The following ARID5B variants were observed in gnomAD, a reference collection of about 807,000 sequenced individuals.
The protein encoded by ARID5B is AT-rich interaction domain 5B.
Under a neutral mutation model 97.2 loss-of-function variants are expected in ARID5B, and 13 were observed. That is an observed-to-expected ratio of 0.13 (90% confidence interval 0.09 to 0.21). The LOEUF (loss-of-function observed/expected upper bound fraction) is 0.21, where lower values mean the gene tolerates loss of function less well. ARID5B is among the 10% of genes least tolerant of loss of function. The pLI is 1.00. For synonymous variants in ARID5B, 556 were observed against 570.3 expected (o/e 0.97, Z 0.36); for missense variants, 1,210 against 1,465.3 (o/e 0.83, Z 2.84).
intron 4 of ARID5B, among the ~76,000 whole-genome samples, chr10:62,048,686 G>T (rs1347360794): frequency 6.6e-6 from 1 of 152,146 alleles, no homozygotes; most frequent in Non-Finnish European, 1.5e-5. Context: ...ACCCAGTTTG[G>T]GGATGACTTC....
At chr10:61,986,433 A>G (rs183133787) in intron 3 of ARID5B, among the ~76,000 whole-genome samples, 5 of 152,250 alleles carry the variant, frequency 3.3e-5, no homozygotes, top group Admixed American at 3.3e-4. Flanking sequence ...TGAGAAGGAG[A>G]GCTGAAGGGA....
At chr10:62,021,029 AATATATATATATATATAT>A (rs10528323) in intron 4 of ARID5B, among the ~76,000 whole-genome samples, 4,494 of 106,850 alleles carry the variant, frequency 0.042, 332 homozygotes, top group African/African-American at 0.17. Flanking sequence ...TTGTCACATG[AATATATATATATATATAT>A]ATATATATAT....
At chr10:62,029,947 A>C (rs1405337641) in intron 4 of ARID5B, among the ~76,000 whole-genome samples, 1 of 152,192 alleles carries the variant, frequency 6.6e-6, no homozygotes, top group African/African-American at 2.4e-5. Context: ...TTGATGTGGA[A>C]AATAGAAAAG....
intron 2 of ARID5B, among the ~76,000 whole-genome samples, chr10:61,903,725 G>T (rs957723995): frequency 6.6e-6 from 1 of 152,166 alleles, no homozygotes; most frequent in Non-Finnish European, 1.5e-5. Context: ...GAATTCCTCG[G>T]TTTGATCGAG....
chr10:62,077,533 A>G (rs1215041627), intron 8 of ARID5B, among the ~76,000 whole-genome samples: 1 of 152,104 alleles, frequency 6.6e-6, no homozygotes, highest in Admixed American at 6.5e-5. Flanking sequence ...CCCCCCCCAA[A>G]AAAAAAGCTT....
chr10:62,084,052 G>A (rs2132975356), intron 8 of ARID5B, among the ~76,000 whole-genome samples: 1 of 152,308 alleles, frequency 6.6e-6, no homozygotes, highest in African/African-American at 2.4e-5. Flanking sequence ...TTTAGCAGCT[G>A]TAACATGTTT....
At chr10:62,030,892 T>A (rs1839488798) in intron 4 of ARID5B, among the ~76,000 whole-genome samples, 1 of 152,176 alleles carries the variant, frequency 6.6e-6, no homozygotes, top group Admixed American at 6.5e-5. Context: ...TGATATCAGT[T>A]TCAAAGTACA....
rs1436235326 is a variant in ARID5B, at chr10:61,940,407, G to C, written c.501G>C (p.Leu167=). Residue 167 remains leucine, a splice_region_variant and synonymous_variant, in exon 3 of 10, where the codon CTG becomes CTC. Transcript: ENST00000279873. ...FKDVLKEKAD[L]GEDEEETNVI... ...ACGTTCTCAAGGAGAAGGCAGACCT[G>C]GGTAAATATGACTTGTAATTTTAAA... The C allele has an allele frequency of 6.2e-7, 1 of 1,610,536 alleles. No homozygotes were observed. The highest frequency in any genetic ancestry group is 8.5e-7 in the Non-Finnish European group (1 of 1,178,092).
intron 4 of ARID5B, among the ~76,000 whole-genome samples, chr10:62,033,893 G>C (rs1008460752): frequency 6.6e-6 from 1 of 152,198 alleles, no homozygotes; most frequent in Admixed American, 6.5e-5. Context: ...GTTGCCTTAT[G>C]TATAAAGTGA....
In ARID5B at chr10:61,934,402, G is replaced by T. The variant is rs374339644; in HGVS notation, c.277-5781G>T. Among the ~76,000 whole-genome samples the T allele has an allele frequency of 6.0e-4, 92 of 152,268 alleles. 1 individual carries two copies. The South Asian group carries it at 0.018, about 29-fold the overall frequency. The stretch of plus-strand genomic sequence containing the variant: ...TGCATTCACAACATGGTTAACTGGC[G>T]CAAGAGGCCTAGCTTTCAGCCTCTC... On this transcript the variant is annotated intron_variant, in intron 2 of 9. Coordinates refer to ENST00000279873, the MANE Select transcript of ARID5B (RefSeq NM_032199.3).
Position 62,091,954 on chromosome 10 carries a change from T to G in ARID5B, c.2491T>G (p.Phe831Val). ...HSHMPSFLAD[F>V]YSSPHLHSLY... is the part of the protein sequence containing the mutation. ...CCACATGCCTAGCTTCCTGGCTGAC[T>G]TCTACTCGTCCCCTCATCTCCATAG... Residue 831 changes from phenylalanine (F) to valine (V), a missense_variant, in exon 10 of 10, where the codon TTC (phenylalanine) becomes GTC (valine). This residue lies in a region of ARID5B where 800 missense variants were observed against 839.1 expected (regional missense o/e 0.95). Coordinates refer to ENST00000279873, the MANE Select transcript of ARID5B (RefSeq NM_032199.3). 1.9e-6 allele frequency: 3 copies of G among 1,613,474 alleles called. No homozygotes were observed. The highest frequency in any genetic ancestry group is 1.7e-4 in the Middle Eastern group (1 of 6,056).
At chr10:61,945,534 G>A (rs780407508) in intron 3 of ARID5B, among the ~76,000 whole-genome samples, 52 of 152,096 alleles carry the variant, frequency 3.4e-4, no homozygotes, top group Non-Finnish European at 2.8e-4. Flanking sequence ...GAAGGTATTT[G>A]TTGTTTATAT....
At chr10:61,997,879 C>T (rs527512412) in intron 3 of ARID5B, among the ~76,000 whole-genome samples, 3 of 152,266 alleles carry the variant, frequency 2.0e-5, no homozygotes, top group East Asian at 1.9e-4. Context: ...ATAAAAAGCA[C>T]GGTTTTGAAC....
At chr10:61,934,627 AG>A (rs1844266228) in intron 2 of ARID5B, among the ~76,000 whole-genome samples, 1 of 152,200 alleles carries the variant, frequency 6.6e-6, no homozygotes, top group Admixed American at 6.5e-5. Context: ...AGGTCAGTGG[AG>A]CAGTCAGAAC....
rs537530798 is a variant in ARID5B at position 61,906,061 on chromosome 10, T to A, written c.276+3648T>A. Among the ~76,000 whole-genome samples the A allele has an allele frequency of 9.8e-5, 15 of 152,332 alleles. No homozygotes were observed. The South Asian group carries it at 2.9e-3, about 29-fold the overall frequency. On this transcript the variant is annotated intron_variant, in intron 2 of 9. Coordinates refer to ENST00000279873, the MANE Select transcript of ARID5B (RefSeq NM_032199.3). ...TACTTGGAACCTCAGTTTCTTCAGC[T>A]GCAAAATGGGAACAAAGTAGGGATG...
intron 6 of ARID5B, among the ~76,000 whole-genome samples, chr10:62,058,586 G>T (rs1839885269): frequency 1.3e-5 from 2 of 152,122 alleles, no homozygotes. Context: ...AAATATATTT[G>T]CAACATCACA....
chr10:62,022,111 G>A (rs1275141552), intron 4 of ARID5B, among the ~76,000 whole-genome samples: 1 of 152,158 alleles, frequency 6.6e-6, no homozygotes, highest in Admixed American at 6.5e-5. Flanking sequence ...TATAAGTGGA[G>A]CTCATACAAT....
chr10:62,058,883 G>C (rs1023103318), intron 6 of ARID5B, among the ~76,000 whole-genome samples: 1 of 152,172 alleles, frequency 6.6e-6, no homozygotes, highest in Admixed American at 6.5e-5. Context: ...AATCAATGGC[G>C]TCTAAGGGTC....
At chr10:62,029,975 T>C (rs1185691902) in intron 4 of ARID5B, among the ~76,000 whole-genome samples, 1 of 152,198 alleles carries the variant, frequency 6.6e-6, no homozygotes, top group East Asian at 1.9e-4. Context: ...TGTTTCCATT[T>C]GGGTCAGAGA....
Sources: allele counts gnomAD v4.1 joint callset (sites outside exome capture counted in the v4.1 genomes callset), GRCh38; gene constraint gnomAD v4.1.1; regional missense constraint gnomAD v4.1.1; transcripts MANE v1.5; gene names NCBI Gene and HGNC (gene_info 2026-07-23, HGNC 2026-07-21).